Variants in RABGAP1 observed in about 807,000 individuals in gnomAD.
The protein encoded by RABGAP1 is RAB GTPase activating protein 1.
Under a neutral mutation model 137.6 loss-of-function variants are expected in RABGAP1, and 23 were observed. The observed-to-expected ratio is 0.17, with a 90% CI of 0.12 to 0.24. The LOEUF (loss-of-function observed/expected upper bound fraction) is 0.24, where lower values mean the gene tolerates loss of function less well. Among genes scored for constraint, RABGAP1 ranks in the 10% least tolerant of loss-of-function variants. The pLI, the probability that RABGAP1 is intolerant of heterozygous loss-of-function variation, is 1.00. For synonymous variants in RABGAP1, 451 were observed against 450.7 expected, an observed-to-expected ratio of 1.00 and a Z score of -0.01; for missense variants, 906 against 1,275.8, an observed-to-expected ratio of 0.71 and a Z score of 4.42.
chr9:122,957,257 A>G (rs1834576498), intron 2 of RABGAP1, 48 bp downstream of exon 2: 1 of 1,397,414 alleles, frequency 7.2e-7, no homozygotes, highest in Non-Finnish European at 9.5e-7. Context: ...TTCTAAGCCC[A>G]TTGCAAAACT....
At chr9:123,032,679 T>A (rs1201483525) in intron 13 of RABGAP1, among the ~76,000 whole-genome samples, 1 of 152,220 alleles carries the variant, frequency 6.6e-6, no homozygotes, top group Non-Finnish European at 1.5e-5. Context: ...TGTCTTTTAT[T>A]CTGCTGGATA....
At chr9:123,041,457 A>T (rs2032948754) in intron 13 of RABGAP1, among the ~76,000 whole-genome samples, 1 of 152,230 alleles carries the variant, frequency 6.6e-6, no homozygotes, top group East Asian at 1.9e-4. Flanking sequence ...AAGTGTTATG[A>T]TTCAAATCCA....
At chr9:123,025,364 C>T (rs1490429554) in intron 13 of RABGAP1, among the ~76,000 whole-genome samples, 2 of 152,132 alleles carry the variant, frequency 1.3e-5, no homozygotes, top group African/African-American at 4.8e-5. Flanking sequence ...GACTATTCTG[C>T]AAATTTAATC....
rs2035392361 is a variant in RABGAP1, at chr9:123,103,179, C to T, written c.3176C>T (p.Thr1059Ile). 6.2e-7 allele frequency: 1 copy of T among 1,614,136 alleles called. No individual in the cohort carries two copies. The highest frequency in any genetic ancestry group is 8.5e-7 in the Non-Finnish European group (1 of 1,179,994). The part of the protein sequence containing the change: ...WFNRTLSSIK[T>I]ATGVQGKETC Reference sequence around the variant, plus strand: ...AACCGAACACTGAGCTCCATAAAGACAGCAACCGGGGTTCAAGGGAAAGAG... The same window carrying T: ...AACCGAACACTGAGCTCCATAAAGATAGCAACCGGGGTTCAAGGGAAAGAG... The change falls in exon 26 of 26, where the codon ACA becomes ATA. Residue 1059 changes from threonine to isoleucine, a missense_variant. Physicochemically the swap from Thr to Ile is moderately conservative, Grantham distance 89. Around this residue, in one of 9 missense-constraint regions of RABGAP1, gnomAD observed 193 missense variants for 248.1 expected, o/e 0.78. Coordinates refer to ENST00000373647, the MANE Select transcript of RABGAP1 (RefSeq NM_012197.4).
At chr9:123,034,627 T>C in intron 13 of RABGAP1, 1 of 1,613,930 alleles carries the variant, frequency 6.2e-7, no homozygotes, top group Non-Finnish European at 8.5e-7. Context: ...GGCATTTGGC[T>C]ATTTGGAAAC....
intron 1 of RABGAP1, among the ~76,000 whole-genome samples, chr9:122,944,946 G>C (rs1471392047): frequency 6.6e-6 from 1 of 151,810 alleles, no homozygotes; most frequent in African/African-American, 2.4e-5. Context: ...ATGTTTCTTG[G>C]AGATAGAACT....
At chr9:123,038,360 A>T (rs1027636865) in intron 13 of RABGAP1, among the ~76,000 whole-genome samples, 5 of 152,086 alleles carry the variant, frequency 3.3e-5, no homozygotes, top group African/African-American at 1.2e-4. Flanking sequence ...AAGGATTGGG[A>T]AAACTTGAAT....
intron 10 of RABGAP1, among the ~76,000 whole-genome samples, chr9:123,004,063 A>G (rs1370256773): frequency 6.6e-6 from 1 of 152,214 alleles, no homozygotes; most frequent in African/African-American, 2.4e-5. Context: ...TGTGTGTGGT[A>G]CACACATTCC....
intron 14 of RABGAP1, among the ~76,000 whole-genome samples, chr9:123,068,050 G>T (rs2034234423): frequency 1.3e-5 from 2 of 152,054 alleles, no homozygotes; most frequent in African/African-American, 4.8e-5. Flanking sequence ...TAAGTTACAT[G>T]CTCAAGATTC....
At chr9:123,049,905 T>C (rs1392997958) in intron 13 of RABGAP1, among the ~76,000 whole-genome samples, 1 of 152,234 alleles carries the variant, frequency 6.6e-6, no homozygotes, top group Non-Finnish European at 1.5e-5. Flanking sequence ...GACCATTGCA[T>C]AGATTTTATA....
At position 123,065,334 on chromosome 9, in the gene RABGAP1, TTA is replaced by T; in HGVS notation, c.1795-12_1795-11del. Reference sequence around the variant, plus strand: ...TAACCTAACTAAACCCTCTCTTTCCTTATGTTTCCACAGGAGTCTCCCCAGGA... The same window carrying T: ...TAACCTAACTAAACCCTCTCTTTCCTTGTTTCCACAGGAGTCTCCCCAGGA... On this transcript the variant is annotated splice_polypyrimidine_tract_variant and intron_variant, in intron 13 of 25. Coordinates refer to ENST00000373647, the MANE Select transcript of RABGAP1 (RefSeq NM_012197.4). 2 of 1,562,258 alleles carry T rather than the reference TTA, an allele frequency of 1.3e-6. No homozygotes were observed. The highest frequency in any genetic ancestry group is 1.1e-5 in the South Asian group (1 of 87,462).
intron 13 of RABGAP1, among the ~76,000 whole-genome samples, chr9:123,025,929 G>A (rs2031933570): frequency 6.6e-6 from 1 of 151,050 alleles, no homozygotes; most frequent in Non-Finnish European, 1.5e-5. Flanking sequence ...TGATGATGGT[G>A]ATAACTAGCA....
chr9:122,997,724 C>T (rs1322158432), intron 9 of RABGAP1, among the ~76,000 whole-genome samples: 2 of 152,202 alleles, frequency 1.3e-5, no homozygotes, highest in Non-Finnish European at 2.9e-5. Flanking sequence ...CCCCAGGGCT[C>T]TGTCCCAAAG....
upstream of RABGAP1, among the ~76,000 whole-genome samples, chr9:122,940,590 AT>A (rs1345484051): frequency 6.6e-6 from 1 of 152,196 alleles, no homozygotes; most frequent in East Asian, 1.9e-4. Context: ...TGCCAGGTGA[AT>A]TTTATTACAC....
chr9:123,065,661 G>A (rs1238058068), intron 14 of RABGAP1, 200 bp downstream of exon 14: 1 of 510,734 alleles, frequency 2.0e-6, no homozygotes, highest in South Asian at 2.1e-5. Context: ...AAAATGGTAG[G>A]GTTTCCTTTC....
chr9:123,088,775 AGG>A (rs1007015948), intron 19 of RABGAP1, among the ~76,000 whole-genome samples: 2 of 152,202 alleles, frequency 1.3e-5, no homozygotes, highest in Non-Finnish European at 2.9e-5. Flanking sequence ...ACCAGTAAAG[AGG>A]GGGAAAGCCT....
intron 4 of RABGAP1, among the ~76,000 whole-genome samples, chr9:122,988,671 G>C (rs1269215190): frequency 1.3e-5 from 2 of 151,938 alleles, no homozygotes; most frequent in Non-Finnish European, 2.9e-5. Flanking sequence ...GCTTTGCCCA[G>C]GTGTGGTGGC....
At chr9:122,985,760 G>C (rs572554096) in intron 3 of RABGAP1, among the ~76,000 whole-genome samples, 42 of 152,256 alleles carry the variant, frequency 2.8e-4, no homozygotes, top group Middle Eastern at 3.4e-3. Flanking sequence ...GTCTGATTGA[G>C]ACCGACTCTA....
intron 19 of RABGAP1, among the ~76,000 whole-genome samples, chr9:123,087,818 A>G (rs1032882937): frequency 2.0e-5 from 3 of 152,162 alleles, no homozygotes; most frequent in African/African-American, 7.2e-5. Context: ...ACACTCTCCC[A>G]CTGAGAGCGT....
Sources: allele counts gnomAD v4.1 joint callset (sites outside exome capture counted in the v4.1 genomes callset), GRCh38; gene constraint gnomAD v4.1.1; regional missense constraint gnomAD v4.1.1; transcripts MANE v1.5; gene names NCBI Gene and HGNC (gene_info 2026-07-23, HGNC 2026-07-21).